Variants in USP53 observed in about 807,000 individuals in gnomAD.
The protein encoded by USP53 is ubiquitin specific peptidase 53.
A neutral mutation model predicts 94.9 loss-of-function variants in USP53; 71 were observed. The observed-to-expected ratio is 0.75, with a 90% CI of 0.62 to 0.91. The LOEUF (loss-of-function observed/expected upper bound fraction) is 0.91, where lower values mean the gene tolerates loss of function less well. USP53 is among the 40% of genes least tolerant of loss of function. The pLI is 0.00. For synonymous variants in USP53, 375 were observed against 422.7 expected (o/e 0.89, Z 1.39); for missense variants, 1,173 against 1,281.0 (o/e 0.92, Z 1.29).
Position 119,293,531 on chromosome 4 carries a change from T to C in USP53, c.*320T>C, listed in dbSNP as rs186515577. Reference sequence around the variant, plus strand: ...AATAGTCTTGGCGTGCCGTGAAAAATAGAAAATCAGGGAGATATAATAATT... The same window carrying C: ...AATAGTCTTGGCGTGCCGTGAAAAACAGAAAATCAGGGAGATATAATAATT... On this transcript the variant is annotated 3_prime_UTR_variant, in exon 19 of 19. Transcript: ENST00000692078. 6.1e-3 allele frequency: 1,223 copies of C among 198,968 alleles called. 8 individuals carry two copies. The highest frequency in any genetic ancestry group is 0.013 in the Middle Eastern group (7 of 526). 12.3% of individuals were successfully genotyped at this position (198,968 alleles called of 1,614,324 possible). A position where few individuals can be genotyped will look rare whatever the true frequency, so the allele number is the denominator to read the frequency against.
intron 17 of USP53, among the ~76,000 whole-genome samples, chr4:119,286,972 T>G (rs1340298912): frequency 6.6e-6 from 1 of 152,028 alleles, no homozygotes; most frequent in Non-Finnish European, 1.5e-5. Context: ...TAAATTTTAC[T>G]GCTTTTTAAA....
At position 119,292,649 on chromosome 4, in the gene USP53, A is replaced by G. The variant is rs1208334426; in HGVS notation, c.2660A>G (p.Asp887Gly). The change falls in exon 19 of 19, where the codon GAT becomes GGT. Residue 887 changes from aspartate to glycine, a missense_variant. Transcript: ENST00000692078. ...CTCATCCAGCAACAAAATATCATGGATCAATGTTACTTTGAGAACTCTCTA... is the reference window on the plus strand; with the variant it reads ...CTCATCCAGCAACAAAATATCATGGGTCAATGTTACTTTGAGAACTCTCTA... Reference protein sequence around the residue: ...APLIQQQNIMDQCYFENSLST... With the variant: ...APLIQQQNIMGQCYFENSLST... The G allele has an allele frequency of 6.2e-7, 1 of 1,613,992 alleles. No homozygotes were observed. Among genetic ancestry groups the G allele is most frequent in the African/African-American group, 1.3e-5 (1 of 74,928 alleles).
chr4:119,249,236 T>C (rs1225296555), intron 7 of USP53, among the ~76,000 whole-genome samples: 1 of 152,174 alleles, frequency 6.6e-6, no homozygotes, highest in Non-Finnish European at 1.5e-5. Flanking sequence ...GTAATAGTTA[T>C]CATTGCATGC....
In USP53 at chr4:119,292,337, GATCACA is replaced by G; in HGVS notation, c.2349_2354del (p.Arg783_His785delinsSer). On this transcript the variant is annotated inframe_deletion and splice_region_variant, in exon 19 of 19. Coordinates refer to ENST00000692078, the MANE Select transcript of USP53 (RefSeq NM_001371395.1). ...GCTTTGTTTTTATTTTCATATTTCAGATCACATGTACATGAAGACAATGGAAAGTTA... is the reference window on the plus strand; with the variant it reads ...GCTTTGTTTTTATTTTCATATTTCAGTGTACATGAAGACAATGGAAAGTTA... The G allele has an allele frequency of 6.4e-7, 1 of 1,571,748 alleles. No individual in the cohort carries two copies. The highest frequency in any genetic ancestry group is 1.2e-5 in the South Asian group (1 of 83,606).
rs113093529 is a variant in USP53 at position 119,230,661 on chromosome 4, A to G, written c.-664-4629A>G. 7.2e-3 allele frequency among the ~76,000 whole-genome samples: 1,095 copies of G among 152,332 alleles called. 14 individuals carry two copies. Among genetic ancestry groups the G allele is most frequent in the African/African-American group, 0.025 (1,041 of 41,574 alleles). On this transcript the variant is annotated intron_variant, in intron 3 of 18. Transcript: ENST00000692078. Reference sequence around the variant, plus strand: ...AGTTGGATTCAGGTGTAACTGGGCAAAACACACAGGATACAACTCACCAAA... The same window carrying G: ...AGTTGGATTCAGGTGTAACTGGGCAGAACACACAGGATACAACTCACCAAA...
chr4:119,242,141 T>G (rs537999129), intron 5 of USP53, among the ~76,000 whole-genome samples: 1 of 152,340 alleles, frequency 6.6e-6, no homozygotes, highest in Admixed American at 6.5e-5. Flanking sequence ...GTAATAATTG[T>G]TTTTATGTAC....
chr4:119,238,882 A>G (rs955861120), intron 4 of USP53, among the ~76,000 whole-genome samples: 4 of 152,308 alleles, frequency 2.6e-5, no homozygotes, highest in East Asian at 3.9e-4. Context: ...ATATGATTCT[A>G]TGTAAGAAGG....
intron 3 of USP53, among the ~76,000 whole-genome samples, chr4:119,231,002 C>G (rs544213253): frequency 6.6e-6 from 1 of 152,216 alleles, no homozygotes; most frequent in African/African-American, 2.4e-5. Flanking sequence ...CTGTGTGAGT[C>G]AGTAGGTCAA....
At chr4:119,233,049 TG>T in intron 3 of USP53, among the ~76,000 whole-genome samples, 1 of 152,238 alleles carries the variant, frequency 6.6e-6, no homozygotes, top group East Asian at 1.9e-4. Context: ...ATTTGTATTT[TG>T]CTAGGAAATT....
intron 12 of USP53, chr4:119,266,462 G>T: frequency 2.5e-6 from 1 of 396,188 alleles, no homozygotes; most frequent in Non-Finnish European, 5.0e-6. Flanking sequence ...ACTTCGTGTT[G>T]GTATTCTTTT....
At chr4:119,241,833 T>A (rs1747589338) in intron 5 of USP53, among the ~76,000 whole-genome samples, 1 of 152,204 alleles carries the variant, frequency 6.6e-6, no homozygotes, top group South Asian at 2.1e-4. Flanking sequence ...TCCAGTTACA[T>A]ATGTAGTGAG....
chr4:119,222,835 T>G (rs992627382), intron 3 of USP53, among the ~76,000 whole-genome samples: 12 of 152,042 alleles, frequency 7.9e-5, no homozygotes, highest in Admixed American at 3.3e-4. Context: ...GGATTTTGCA[T>G]TGCTCTTTTT....
rs1748105350 is a variant in USP53, at chr4:119,245,426, G to T, written c.234G>T (p.Leu78Phe). Residue 78 changes from leucine to phenylalanine, a missense_variant, in exon 6 of 19, where the codon TTG (leucine) becomes TTT (phenylalanine). Transcript: ENST00000692078. Reference protein sequence around the residue: ...CQGDACIFCALKTIFAQFQHS... With the variant: ...CQGDACIFCAFKTIFAQFQHS... ...GAGATGCCTGTATATTTTGTGCATTGAAGGTAACCTTTTAATAGCTCTGAA... is the reference window on the plus strand; with the variant it reads ...GAGATGCCTGTATATTTTGTGCATTTAAGGTAACCTTTTAATAGCTCTGAA... The T allele has an allele frequency of 6.2e-7, 1 of 1,613,298 alleles. No individual in the cohort carries two copies. The highest frequency in any genetic ancestry group is 1.3e-5 in the African/African-American group (1 of 74,874).
chr4:119,219,384 C>T (rs770964840), intron 3 of USP53: 4 of 152,304 alleles, frequency 2.6e-5, no homozygotes, highest in Admixed American at 6.5e-5. Flanking sequence ...TCCTTCCAGC[C>T]TCTGCCTCTG....
intron 17 of USP53, among the ~76,000 whole-genome samples, chr4:119,280,073 C>T (rs932389606): frequency 2.6e-5 from 4 of 152,302 alleles, no homozygotes; most frequent in Admixed American, 2.0e-4. Flanking sequence ...GCGTCGCTCA[C>T]GCTGGGAGCT....
rs185508668 is a variant in USP53, at chr4:119,253,685, A to G, written c.373-2561A>G. Among the ~76,000 whole-genome samples the G allele has an allele frequency of 9.1e-4, 139 of 152,142 alleles. 1 individual carries two copies. The East Asian group carries it at 0.02, about 22-fold the overall frequency. ...GACTCTTTATCCAATTTGCCAGTCT[A>G]TGTCTTTTAATTGGGGCCTTTAGCC... On this transcript the variant is annotated intron_variant, in intron 7 of 18. Coordinates refer to ENST00000692078, the MANE Select transcript of USP53 (RefSeq NM_001371395.1).
At chr4:119,289,016 C>CAACACTA (rs1754436210) in intron 17 of USP53, among the ~76,000 whole-genome samples, 1 of 150,560 alleles carries the variant, frequency 6.6e-6, no homozygotes, top group Non-Finnish European at 1.5e-5. Context: ...TCACTAATAT[C>CAACACTA]TTTCTAAAAA....
chr4:119,278,258 T>G lies in USP53; in HGVS notation c.2251+4550T>G, dbSNP rs1752930831. On this transcript the variant is annotated intron_variant, in intron 17 of 18. Coordinates refer to ENST00000692078, the MANE Select transcript of USP53 (RefSeq NM_001371395.1). ...TGGTACCGGTTGTTCCTTTCCATGT[T>G]TAGCGCTTCCTTCAGGAGCTCTTTT... is the stretch of plus-strand genomic sequence containing the variant. Among the ~76,000 whole-genome samples the G allele has an allele frequency of 2.0e-5, 3 of 151,666 alleles. No homozygotes were observed. The South Asian group carries it at 6.3e-4, about 32-fold the overall frequency.
intron 17 of USP53, among the ~76,000 whole-genome samples, chr4:119,288,419 C>T (rs1450407885): frequency 6.6e-6 from 1 of 152,118 alleles, no homozygotes; most frequent in Middle Eastern, 3.2e-3. Flanking sequence ...ACAGATAATA[C>T]AGTTGGAAAT....
Sources: gnomAD v4.1 joint callset for allele counts (sites outside exome capture counted in the v4.1 genomes callset) on GRCh38, gnomAD v4.1.1 for gene constraint, MANE v1.5 for transcripts, NCBI Gene and HGNC (gene_info 2026-07-23, HGNC 2026-07-21) for gene names.